The following CYLD variants were observed in gnomAD, a reference collection of about 807,000 sequenced individuals.
The protein encoded by CYLD is ubiquitin carboxyl-terminal hydrolase CYLD.
CYLD carries 26 observed loss-of-function variants against 104.5 expected under a neutral mutation model. The ratio of observed to expected loss-of-function variants is 0.25; its 90% CI spans 0.18 to 0.35. CYLD has a LOEUF of 0.35. Ranked by LOEUF, CYLD falls within the 10% of genes least tolerant of loss-of-function variation. The pLI is 1.00. For missense variants in CYLD, 703 were observed against 1,136.1 expected, an observed-to-expected ratio of 0.62 and a Z score of 5.48; for synonymous variants, 385 against 399.9, an observed-to-expected ratio of 0.96 and a Z score of 0.45.
chr16:50,758,572 C>T (rs1302515493), intron 5 of CYLD, among the ~76,000 whole-genome samples: 2 of 152,094 alleles, frequency 1.3e-5, no homozygotes, highest in Non-Finnish European at 2.9e-5. Flanking sequence ...TAGTTATCCA[C>T]GTGAGAGACG....
rs1242994742 is a variant in CYLD at position 50,742,738 on chromosome 16, GGCGTGTTCT to G, written c.-203-21_-203-13del. Reference sequence around the variant, plus strand: ...CAGTCGGGGTTCTGGCCTTGTTAATGGCGTGTTCTGCTTTTTCTTTCAGTTTCCCCCTTT... The same window carrying G: ...CAGTCGGGGTTCTGGCCTTGTTAATGGCTTTTTCTTTCAGTTTCCCCCTTT... On this transcript the variant is annotated splice_polypyrimidine_tract_variant and intron_variant, in intron 1 of 18. Coordinates refer to ENST00000427738, the MANE Select transcript of CYLD (RefSeq NM_001378743.1). 1.3e-5 allele frequency: 5 copies of G among 398,776 alleles called. No individual in the cohort carries two copies. In the Admixed American group the frequency reaches 2.2e-4, roughly 18 times the overall value. 24.7% of individuals were successfully genotyped at this position (398,776 alleles called of 1,614,324 possible).
chr16:50,754,959 A>G (rs1429882165), intron 5 of CYLD, among the ~76,000 whole-genome samples: 3 of 146,460 alleles, frequency 2.0e-5, no homozygotes, highest in East Asian at 2.0e-4. Flanking sequence ...ACATATATAC[A>G]TATACACACA....
intron 18 of CYLD, chr16:50,795,467 G>A: frequency 1.4e-6 from 1 of 693,846 alleles, no homozygotes; most frequent in South Asian, 1.5e-5. Flanking sequence ...TAAGGAGTTT[G>A]CAGGTTAAGA....
Position 50,754,902 on chromosome 16 carries a change from T to C in CYLD, c.913+478T>C, listed in dbSNP as rs183079424. Among the ~76,000 whole-genome samples, 25 of 149,452 alleles carry C rather than the reference T, an allele frequency of 1.7e-4. No individual in the cohort carries two copies. The East Asian group carries it at 3.3e-3, about 20-fold the overall frequency. ...ATATATATATACGCATATATACATATACACACATATATGTATACATATATA... is the reference window on the plus strand; with the variant it reads ...ATATATATATACGCATATATACATACACACACATATATGTATACATATATA... On this transcript the variant is annotated intron_variant, in intron 5 of 18. Transcript: ENST00000427738.
In CYLD at chr16:50,797,677, G is replaced by A. The variant is rs954178095; in HGVS notation, c.*1169G>A. The A allele has an allele frequency of 4.3e-6, 1 of 232,928 alleles. No individual in the cohort carries two copies. Among genetic ancestry groups the A allele is most frequent in the Admixed American group, 5.6e-5 (1 of 17,780 alleles). 14.4% of individuals were successfully genotyped at this position (232,928 alleles called of 1,614,324 possible). On this transcript the variant is annotated 3_prime_UTR_variant, in exon 19 of 19. Coordinates refer to ENST00000427738, the MANE Select transcript of CYLD (RefSeq NM_001378743.1). ...GTGGAATGTGCATTCTCTGAGTGTTGTTTTGTGGTATCATTGTCTTTCCTG... is the reference window on the plus strand; with the variant it reads ...GTGGAATGTGCATTCTCTGAGTGTTATTTTGTGGTATCATTGTCTTTCCTG...
In CYLD at chr16:50,793,583, G is replaced by A. The variant is rs764090530; in HGVS notation, c.2388G>A (p.Met796Ile). The change falls in exon 17 of 19, where the codon ATG (methionine) becomes ATA (isoleucine). Residue 796 changes from methionine to isoleucine, a missense_variant. Coordinates refer to ENST00000427738, the MANE Select transcript of CYLD (RefSeq NM_001378743.1). ...RQCRICGGLA[M>I]YECRECYDDP... ...GCCGGATATGTGGAGGGCTTGCAAT[G>A]TATGAGTGTAGAGAATGCTACGACG... is the stretch of plus-strand genomic sequence containing the variant. 6.2e-7 allele frequency: 1 copy of A among 1,614,070 alleles called. No homozygotes were observed. The highest frequency in any genetic ancestry group is 2.2e-5 in the East Asian group (1 of 44,856).
chr16:50,786,842 T>C lies in CYLD; in HGVS notation c.1950-13T>C. The C allele has an allele frequency of 6.4e-7, 1 of 1,565,324 alleles. No homozygotes were observed. The highest frequency in any genetic ancestry group is 8.8e-7 in the Non-Finnish European group (1 of 1,135,774). On this transcript the variant is annotated splice_polypyrimidine_tract_variant and intron_variant, in intron 12 of 18. Transcript: ENST00000427738. ...ACATGCCAATATCAATTAATAGTTT[T>C]TTACTAACTTAGATATGGATATGTG... is the stretch of plus-strand genomic sequence containing the variant.
chr16:50,776,719 C>T (rs1244752463), intron 7 of CYLD, among the ~76,000 whole-genome samples: 1 of 152,222 alleles, frequency 6.6e-6, no homozygotes, highest in African/African-American at 2.4e-5. Context: ...CAGAAGCTTC[C>T]TCACAATATG....
chr16:50,776,189 G>T lies in CYLD; in HGVS notation c.933G>T (p.Thr311=), dbSNP rs745643144. The T allele has an allele frequency of 1.9e-6, 3 of 1,611,078 alleles. No individual in the cohort carries two copies. The highest frequency in any genetic ancestry group is 2.5e-6 in the Non-Finnish European group (3 of 1,177,622). ...DIIPALSESV[T]QERRPPKLAF... ...TGCTTACTGTTTCAGAGAGTGTGAC[G>T]CAGGAAAGGAGGCCTCCCAAACTTG... The change falls in exon 7 of 19, where the codon ACG becomes ACT. Residue 311 remains threonine, a synonymous_variant. Transcript: ENST00000427738.
intron 5 of CYLD, among the ~76,000 whole-genome samples, chr16:50,765,932 G>C (rs536910923): frequency 6.6e-6 from 1 of 152,330 alleles, no homozygotes; most frequent in South Asian, 2.1e-4. Flanking sequence ...AAGGAAAGAT[G>C]TCATCACCAT....
chr16:50,744,156 C>G (rs1484381674), intron 2 of CYLD, among the ~76,000 whole-genome samples: 1 of 151,386 alleles, frequency 6.6e-6, no homozygotes, highest in Non-Finnish European at 1.5e-5. Flanking sequence ...ATTCCTTGTT[C>G]CAGTGGGAAT....
chr16:50,783,684 G>T (rs1970514575), intron 11 of CYLD, among the ~76,000 whole-genome samples: 1 of 151,934 alleles, frequency 6.6e-6, no homozygotes, highest in Admixed American at 6.6e-5. Flanking sequence ...GACTTCAGGT[G>T]CACTCCATCA....
chr16:50,783,133 C>T (rs3785140), intron 11 of CYLD, among the ~76,000 whole-genome samples: 53,417 of 151,706 alleles, frequency 0.35, 10,112 homozygotes, highest in Non-Finnish European at 0.42. Context: ...GGTTTCACCA[C>T]GTTGGCCAGG....
intron 2 of CYLD, among the ~76,000 whole-genome samples, chr16:50,747,028 CT>C (rs1188644633): frequency 6.6e-6 from 1 of 152,080 alleles, no homozygotes; most frequent in Non-Finnish European, 1.5e-5. Flanking sequence ...AATAGAATTA[CT>C]TTACCTTTTT....
chr16:50,746,160 C>A (rs1966175517), intron 2 of CYLD, among the ~76,000 whole-genome samples: 1 of 152,190 alleles, frequency 6.6e-6, no homozygotes, highest in African/African-American at 2.4e-5. Flanking sequence ...ACCTCAGCCT[C>A]ACAAGTAGCT....
chr16:50,772,926 A>G (rs1322230097), intron 5 of CYLD, among the ~76,000 whole-genome samples: 1 of 152,226 alleles, frequency 6.6e-6, no homozygotes, highest in Non-Finnish European at 1.5e-5. Context: ...GGCACCTTCA[A>G]GCATTTCTTG....
chr16:50,754,235 T>C, intron 4 of CYLD, 84 bp from the exon 5 acceptor site: 1 of 883,746 alleles, frequency 1.1e-6, no homozygotes, highest in Non-Finnish European at 1.9e-6. Context: ...GTAAAATATT[T>C]TGGAGGATTC....
chr16:50,746,085 T>C (rs934901054), intron 2 of CYLD, among the ~76,000 whole-genome samples: 9 of 152,200 alleles, frequency 5.9e-5, no homozygotes, highest in Admixed American at 3.9e-4. Context: ...TCACCCAGGC[T>C]GAAGTGCGGT....
intron 2 of CYLD, among the ~76,000 whole-genome samples, chr16:50,748,939 C>T (rs950470649): frequency 3.3e-5 from 5 of 152,264 alleles, no homozygotes; most frequent in East Asian, 1.9e-4. Flanking sequence ...TGGTGGCTTA[C>T]GACTGTAATC....
Sources: gnomAD v4.1 joint callset for allele counts (sites outside exome capture counted in the v4.1 genomes callset) on GRCh38, gnomAD v4.1.1 for gene constraint, MANE v1.5 for transcripts, NCBI Gene and HGNC (gene_info 2026-07-23, HGNC 2026-07-21) for gene names.